The following ZNF536 variants were observed in gnomAD, a reference collection of about 807,000 sequenced individuals.
ZNF536 encodes the protein zinc finger protein 536.
Under a neutral mutation model 84.5 loss-of-function variants are expected in ZNF536, and 13 were observed. That is an observed-to-expected ratio of 0.15 (90% CI 0.10 to 0.24). ZNF536 has a LOEUF of 0.24. Among genes scored for constraint, ZNF536 ranks in the 10% least tolerant of loss-of-function variants. ZNF536 has a pLI of 1.00. For missense variants in ZNF536, 1,536 were observed against 1,747.5 expected (o/e 0.88, Z 2.16); for synonymous variants, 811 against 742.5 (o/e 1.09, Z -1.50).
intron 2 of ZNF536, among the ~76,000 whole-genome samples, chr19:30,488,060 C>A (rs1599555566): frequency 6.6e-6 from 1 of 152,120 alleles, no homozygotes; most frequent in Non-Finnish European, 1.5e-5. Context: ...ACAGCAGTTC[C>A]CAGGTTTCTA....
rs1033563568 is a variant in ZNF536 at position 30,534,869 on chromosome 19, A to G, written c.2193A>G (p.Arg731=). The change falls in exon 3 of 5, where the codon AGA becomes AGG. Residue 731 remains arginine, a synonymous_variant. Coordinates refer to ENST00000355537, the MANE Select transcript of ZNF536 (RefSeq NM_014717.3). The stretch of plus-strand genomic sequence containing the variant: ...CAGACATTGGCGAGGAGGCTGGGAG[A>G]TCTGCCGGCGTCCAGCAACCAGCGC... The part of the protein sequence containing the change: ...SSSDIGEEAG[R]SAGVQQPALL... The G allele has an allele frequency of 3.1e-6, 5 of 1,613,118 alleles. No individual in the cohort carries two copies. The Admixed American group carries it at 8.3e-5, about 27-fold the overall frequency.
intron 2 of ZNF536, among the ~76,000 whole-genome samples, chr19:30,287,302 G>A (rs1236811775): frequency 1.3e-5 from 2 of 149,676 alleles, no homozygotes; most frequent in East Asian, 4.0e-4. Flanking sequence ...TGGATGAGTG[G>A]ACGGATGAAT....
chr19:30,331,629 A>T (rs1417569954), intron 2 of ZNF536, among the ~76,000 whole-genome samples: 1 of 152,086 alleles, frequency 6.6e-6, no homozygotes, highest in South Asian at 2.1e-4. Flanking sequence ...CAGCTCAGTA[A>T]CTTTTCTTCC....
rs148378803 is a variant in ZNF536, at chr19:30,549,371, C to T, written c.3752C>T (p.Pro1251Leu). The T allele has an allele frequency of 1.7e-4, 271 of 1,598,750 alleles. 2 individuals carry two copies. The South Asian group carries it at 2.4e-3, about 14-fold the overall frequency. ...GACCCCTTGGCGGGCCTGCCAAAGC[C>T]GGAGCGGGGGCCCCAGAGCCTGGAC... ...AQDPLAGLPK[P>L]ERGPQSLDKP... is the part of the protein sequence containing the mutation. The change falls in exon 4 of 5, where the codon CCG (proline) becomes CTG (leucine). Residue 1251 changes from proline (P) to leucine (L), a missense_variant. Pro to Leu is a moderately conservative substitution (Grantham distance 98, BLOSUM62 -3). Transcript: ENST00000355537.
intron 1 of ZNF536, among the ~76,000 whole-genome samples, chr19:30,645,213 T>C (rs543437173): frequency 2.0e-4 from 30 of 152,232 alleles, no homozygotes; most frequent in African/African-American, 6.3e-4. Context: ...TTTGATGGGG[T>C]TGTTTGTTTT....
intron 1 of ZNF536, among the ~76,000 whole-genome samples, chr19:30,234,749 A>ACG (rs1421764801): frequency 4.3e-5 from 5 of 115,056 alleles, no homozygotes; most frequent in African/African-American, 2.0e-4. Context: ...TAAATTACAC[A>ACG]CACACACACA....
chr19:30,486,130 G>A (rs1382541004), intron 2 of ZNF536, among the ~76,000 whole-genome samples: 1 of 152,018 alleles, frequency 6.6e-6, no homozygotes, highest in African/African-American at 2.4e-5. Context: ...GGATACATGT[G>A]CAGGATGTGC....
At position 30,423,972 on chromosome 19, in the gene ZNF536, C is replaced by T. The variant is rs1034556418; in HGVS notation, c.-2-19589C>T. The stretch of plus-strand genomic sequence containing the variant: ...GAAAAAAAGACAGGGGGCAAGTTTC[C>T]CAGGGTCTGGGCAGTGCCCTCTGCA... On this transcript the variant is annotated intron_variant, in intron 1 of 4. Coordinates refer to ENST00000355537, the MANE Select transcript of ZNF536 (RefSeq NM_014717.3). Among the ~76,000 whole-genome samples the T allele has an allele frequency of 2.6e-5, 4 of 152,258 alleles. 1 individual carries two copies. In the South Asian group the frequency reaches 6.2e-4, roughly 24 times the overall value.
intron 1 of ZNF536, among the ~76,000 whole-genome samples, chr19:30,605,110 T>A (rs935727083): frequency 6.6e-6 from 1 of 152,242 alleles, no homozygotes; most frequent in South Asian, 2.1e-4. Flanking sequence ...AGGAACTCAT[T>A]CTACATGTTC....
intron 1 of ZNF536, among the ~76,000 whole-genome samples, chr19:30,386,011 C>T (rs555423082): frequency 6.6e-6 from 1 of 152,126 alleles, no homozygotes; most frequent in Non-Finnish European, 1.5e-5. Context: ...ACTTAAACTT[C>T]GATTTTAAAA....
At chr19:30,634,851 C>T (rs898172773) in intron 1 of ZNF536, among the ~76,000 whole-genome samples, 2 of 152,052 alleles carry the variant, frequency 1.3e-5, no homozygotes, top group African/African-American at 2.4e-5. Context: ...GAGTAGATTA[C>T]GTGTCAGTCT....
intron 2 of ZNF536, among the ~76,000 whole-genome samples, chr19:30,462,699 G>A (rs1389232732): frequency 2.0e-5 from 3 of 151,988 alleles, no homozygotes; most frequent in Admixed American, 2.0e-4. Flanking sequence ...GGATAAGGAT[G>A]TGTGTGTTGT....
At chr19:30,331,023 T>C (rs1247990441) in intron 2 of ZNF536, among the ~76,000 whole-genome samples, 1 of 152,126 alleles carries the variant, frequency 6.6e-6, no homozygotes, top group African/African-American at 2.4e-5. Context: ...TTATTTCACC[T>C]GTAATCCCAG....
chr19:30,591,766 A>G (rs191763078), intron 1 of ZNF536, among the ~76,000 whole-genome samples: 103 of 152,306 alleles, frequency 6.8e-4, no homozygotes, highest in Middle Eastern at 6.8e-3. Flanking sequence ...ATTGCCAACT[A>G]TAATTTTATT....
chr19:30,292,787 T>A (rs1460697769), intron 2 of ZNF536, among the ~76,000 whole-genome samples: 1 of 152,218 alleles, frequency 6.6e-6, no homozygotes, highest in Non-Finnish European at 1.5e-5. Flanking sequence ...TTTCCTTTAT[T>A]TCTTATGTTG....
rs776353797 is a variant in ZNF536, at chr19:30,549,053, T to G, written c.3434T>G (p.Val1145Gly). 6.2e-7 allele frequency: 1 copy of G among 1,614,074 alleles called. No homozygotes were observed. Among genetic ancestry groups the G allele is most frequent in the South Asian group, 1.1e-5 (1 of 91,080 alleles). Residue 1145 changes from valine (V) to glycine (G), a missense_variant, in exon 4 of 5, where the codon GTC becomes GGC. Physicochemically the swap from Val to Gly is moderately radical, Grantham distance 109. Coordinates refer to ENST00000355537, the MANE Select transcript of ZNF536 (RefSeq NM_014717.3). The part of the protein sequence containing the change: ...PDGKAHSEED[V>G]PILIPETTSK... ...GGAAAGGCCCACTCTGAAGAGGATG[T>G]CCCCATCCTGATCCCCGAAACCACG...
chr19:30,712,076 GCTCT>G (rs1255677671), exon 2 of ZNF536: 1 of 151,890 alleles, frequency 6.6e-6, no homozygotes, highest in South Asian at 2.1e-4. Flanking sequence ...TAAACATCGT[GCTCT>G]CTATCTCTAA....
intron 1 of ZNF536, among the ~76,000 whole-genome samples, chr19:30,647,897 T>A (rs922806299): frequency 6.6e-6 from 1 of 152,212 alleles, no homozygotes; most frequent in African/African-American, 2.4e-5. Context: ...AAGAGGGACC[T>A]GGCCCCATCT....
At chr19:30,285,129 G>A (rs1288884018) in intron 2 of ZNF536, among the ~76,000 whole-genome samples, 1 of 152,130 alleles carries the variant, frequency 6.6e-6, no homozygotes, top group Non-Finnish European at 1.5e-5. Flanking sequence ...TCTAATAATA[G>A]TGTACCATTA....
Sources: gnomAD v4.1 joint callset for allele counts (sites outside exome capture counted in the v4.1 genomes callset) on GRCh38, gnomAD v4.1.1 for gene constraint, MANE v1.5 for transcripts, NCBI Gene and HGNC (gene_info 2026-07-23, HGNC 2026-07-21) for gene names.